ADK: variants seen among roughly 807,000 people sequenced by gnomAD.
ADK encodes the protein adenosine kinase.
A neutral mutation model predicts 44.7 loss-of-function variants in ADK; 24 were observed. That is an observed-to-expected ratio of 0.54 (90% CI 0.39 to 0.76). ADK has a LOEUF of 0.76. ADK is among the 30% of genes least tolerant of loss of function. The pLI is 0.00. For missense variants in ADK, 321 were observed against 425.1 expected (o/e 0.76, Z 2.15); for synonymous variants, 128 against 142.6 (o/e 0.90, Z 0.73).
chr10:74,172,780 C>T (rs1842203183), intron 1 of ADK, among the ~76,000 whole-genome samples: 1 of 146,764 alleles, frequency 6.8e-6, no homozygotes, highest in Non-Finnish European at 1.5e-5. Flanking sequence ...TACTAAAATA[C>T]AAAAAATTTG....
intron 10 of ADK, among the ~76,000 whole-genome samples, chr10:74,673,372 T>C (rs1246682320): frequency 6.6e-6 from 1 of 152,224 alleles, no homozygotes. Context: ...TAAGCCCTTC[T>C]CAGGCAGAAA....
At chr10:74,311,920 C>G (rs1011980028) in intron 3 of ADK, among the ~76,000 whole-genome samples, 3 of 152,102 alleles carry the variant, frequency 2.0e-5, no homozygotes, top group African/African-American at 7.2e-5. Context: ...GTAATACCAG[C>G]ACTTTGGGAG....
intron 3 of ADK, among the ~76,000 whole-genome samples, chr10:74,286,066 A>G (rs1171301069): frequency 3.9e-5 from 6 of 152,042 alleles, no homozygotes; most frequent in African/African-American, 2.4e-5. Flanking sequence ...TTATATATCT[A>G]TTTAGAGACT....
intron 3 of ADK, among the ~76,000 whole-genome samples, chr10:74,280,353 T>C (rs1846882010): frequency 6.6e-6 from 1 of 151,372 alleles, no homozygotes; most frequent in Non-Finnish European, 1.5e-5. Context: ...CTACCCGCCT[T>C]GGCCTCCCAA....
chr10:74,461,824 C>T (rs1358224516), intron 6 of ADK, among the ~76,000 whole-genome samples: 1 of 151,994 alleles, frequency 6.6e-6, no homozygotes, highest in Non-Finnish European at 1.5e-5. Context: ...CTTATCTGTA[C>T]TAGAGTTTTG....
chr10:74,569,896 T>C (rs540386733), intron 7 of ADK, among the ~76,000 whole-genome samples: 146 of 152,342 alleles, frequency 9.6e-4, no homozygotes, highest in African/African-American at 3.4e-3. Context: ...CTAGGGTTTT[T>C]ATGGTTTTAG....
intron 4 of ADK, among the ~76,000 whole-genome samples, chr10:74,318,292 A>G (rs1414595312): frequency 1.3e-5 from 2 of 151,810 alleles, no homozygotes; most frequent in African/African-American, 2.4e-5. Flanking sequence ...CTCCACCTCC[A>G]TCTCCTAGGA....
At chr10:74,266,564 G>T (rs191358574) in intron 3 of ADK, among the ~76,000 whole-genome samples, 515 of 150,582 alleles carry the variant, frequency 3.4e-3, no homozygotes, top group African/African-American at 0.012. Context: ...TCAAAAAAAA[G>T]AAAAAAAGAA....
At chr10:74,268,766 G>T (rs1846310977) in intron 3 of ADK, among the ~76,000 whole-genome samples, 1 of 152,140 alleles carries the variant, frequency 6.6e-6, no homozygotes. Context: ...ATGACAGTTG[G>T]TAGATATTGT....
rs1453841659 is a variant in ADK, at chr10:74,708,547, C to G, written c.*102C>G. 2 of 1,341,240 alleles carry G rather than the reference C, an allele frequency of 1.5e-6. No individual in the cohort carries two copies. The highest frequency in any genetic ancestry group is 2.9e-5 in the African/African-American group (2 of 68,668). The allele number at this position is 1,341,240 out of a possible 1,614,324, so 83.1% of individuals were successfully genotyped here. A position where few individuals can be genotyped will look rare whatever the true frequency, so the allele number is the denominator to read the frequency against. ...GAAGAAAATTATCTGCCATTTTTTC[C>G]TACTATAATAATGCTGAATCTTAAT... On this transcript the variant is annotated 3_prime_UTR_variant, in exon 11 of 11. Transcript: ENST00000539909.
intron 9 of ADK, among the ~76,000 whole-genome samples, chr10:74,669,521 A>G (rs563057041): frequency 6.6e-6 from 1 of 152,218 alleles, no homozygotes; most frequent in Non-Finnish European, 1.5e-5. Context: ...ATCCCGTTGC[A>G]CTGTCCCTTT....
At position 74,600,474 on chromosome 10, in the gene ADK, T is replaced by G. The variant is rs1020455731; in HGVS notation, c.858T>G (p.Asp286Glu). 6.2e-7 allele frequency: 1 copy of G among 1,609,770 alleles called. No individual in the cohort carries two copies. Among genetic ancestry groups the G allele is most frequent in the African/African-American group, 1.3e-5 (1 of 74,572 alleles). ...TCGTGATCTTCACCCAAGGGAGAGA[T>G]GACACTATAATGGCTACAGGTACAT... ...QRIVIFTQGRDDTIMATESEV... is the reference protein window; with the variant it reads ...QRIVIFTQGREDTIMATESEV... Residue 286 changes from aspartate (D) to glutamate (E), a missense_variant, in exon 9 of 11, where the codon GAT (aspartate) becomes GAG (glutamate). Transcript: ENST00000539909.
At chr10:74,286,108 A>G (rs2132461923) in intron 3 of ADK, among the ~76,000 whole-genome samples, 1 of 152,300 alleles carries the variant, frequency 6.6e-6, no homozygotes. Flanking sequence ...GCTAGAGTGC[A>G]GGAGCATGAT....
At chr10:74,259,939 A>G (rs1201087883) in intron 3 of ADK, among the ~76,000 whole-genome samples, 1 of 152,068 alleles carries the variant, frequency 6.6e-6, no homozygotes, top group African/African-American at 2.4e-5. Flanking sequence ...CTAGATAGGG[A>G]TATTCTAAGT....
intron 4 of ADK, among the ~76,000 whole-genome samples, chr10:74,375,785 G>A (rs1226359343): frequency 1.3e-5 from 2 of 152,248 alleles, no homozygotes; most frequent in African/African-American, 4.8e-5. Context: ...AGTAGTTGGT[G>A]TATGTGCCAA....
At chr10:74,473,217 C>T (rs190510591) in intron 6 of ADK, among the ~76,000 whole-genome samples, 30 of 144,994 alleles carry the variant, frequency 2.1e-4, no homozygotes, top group African/African-American at 6.2e-4. Context: ...CACACACACA[C>T]ATATAGAGAG....
At chr10:74,665,523 A>G (rs1204282882) in intron 9 of ADK, among the ~76,000 whole-genome samples, 1 of 152,106 alleles carries the variant, frequency 6.6e-6, no homozygotes, top group African/African-American at 2.4e-5. Context: ...ACTTGAAGCC[A>G]AGGGCTCAAG....
intron 6 of ADK, among the ~76,000 whole-genome samples, chr10:74,410,637 C>T (rs1452556510): frequency 1.3e-5 from 2 of 151,994 alleles, no homozygotes; most frequent in Non-Finnish European, 2.9e-5. Flanking sequence ...GCCAAGATCG[C>T]GCCACTACAC....
chr10:74,536,180 A>G (rs112258919), intron 7 of ADK, among the ~76,000 whole-genome samples: 4,545 of 152,236 alleles, frequency 0.03, 196 homozygotes, highest in African/African-American at 0.092. Flanking sequence ...TTCCTCTTTT[A>G]ACATGTAAAA....
Sources: allele counts gnomAD v4.1 joint callset (sites outside exome capture counted in the v4.1 genomes callset), GRCh38; gene constraint gnomAD v4.1.1; transcripts MANE v1.5; gene names NCBI Gene and HGNC (gene_info 2026-07-23, HGNC 2026-07-21).